The following LOC128092252 variants were observed in gnomAD, a reference collection of about 807,000 sequenced individuals.
the LOC128092252 span, among the ~76,000 whole-genome samples, chr15:50,678,702 A>G: frequency 6.6e-6 from 1 of 152,064 alleles, no homozygotes; most frequent in African/African-American, 2.4e-5. Flanking sequence ...AGCATCTATA[A>G]TTCTGTAACA....
At chr15:50,651,288 G>A in the LOC128092252 span, among the ~76,000 whole-genome samples, 8 of 152,126 alleles carry the variant, frequency 5.3e-5, no homozygotes, top group East Asian at 1.9e-4. Flanking sequence ...AGAAAAGAAC[G>A]AGATGATGGA....
the LOC128092252 span, among the ~76,000 whole-genome samples, chr15:50,674,734 CT>C: frequency 2.0e-5 from 3 of 152,112 alleles, no homozygotes; most frequent in Non-Finnish European, 4.4e-5. Flanking sequence ...AGTCTCTGAG[CT>C]TTTGTCTGGG....
the LOC128092252 span, among the ~76,000 whole-genome samples, chr15:50,676,868 A>G: frequency 6.6e-6 from 1 of 152,174 alleles, no homozygotes; most frequent in Non-Finnish European, 1.5e-5. Flanking sequence ...TAAATACTTA[A>G]TATTAATTCT....
the LOC128092252 span, among the ~76,000 whole-genome samples, chr15:50,678,245 AAAAAAACAAAAAC>A: frequency 1.1e-4 from 16 of 147,308 alleles, no homozygotes; most frequent in African/African-American, 3.3e-4. Context: ...CTCTCAAAAA[AAAAAAACAAAAAC>A]AAAAACAAAA....
At chr15:50,682,140 C>T in the LOC128092252 span, among the ~76,000 whole-genome samples, 5 of 111,980 alleles carry the variant, frequency 4.5e-5, no homozygotes, top group Admixed American at 2.5e-4. Context: ...ATCGCGCCAC[C>T]GCAAGCCTGG....
the LOC128092252 span, among the ~76,000 whole-genome samples, chr15:50,671,880 G>C: frequency 6.6e-6 from 1 of 152,106 alleles, no homozygotes; most frequent in Non-Finnish European, 1.5e-5. Context: ...TTGGGTATTT[G>C]TTTTGATATT....
At chr15:50,653,654 G>C in the LOC128092252 span, among the ~76,000 whole-genome samples, 5 of 152,254 alleles carry the variant, frequency 3.3e-5, no homozygotes, top group Non-Finnish European at 7.4e-5. Context: ...GAAAACAGTA[G>C]ACACTGGGCC....
the LOC128092252 span, among the ~76,000 whole-genome samples, chr15:50,659,552 T>G: frequency 6.6e-6 from 1 of 152,182 alleles, no homozygotes; most frequent in African/African-American, 2.4e-5. Flanking sequence ...TGGTTAAAGG[T>G]GGGGATACTT....
the LOC128092252 span, among the ~76,000 whole-genome samples, chr15:50,658,458 T>C: frequency 1.1e-3 from 173 of 151,452 alleles, 2 homozygotes; most frequent in Admixed American, 2.0e-3. Flanking sequence ...TAGTCCTAGC[T>C]ACTAGGGAGG....
At chr15:50,661,732 G>A in the LOC128092252 span, among the ~76,000 whole-genome samples, 1 of 152,300 alleles carries the variant, frequency 6.6e-6, no homozygotes, top group Non-Finnish European at 1.5e-5. Flanking sequence ...GAAAGTTGCA[G>A]AGAAGGTAAA....
the LOC128092252 span, among the ~76,000 whole-genome samples, chr15:50,685,764 G>C: frequency 3.3e-5 from 5 of 152,118 alleles, no homozygotes; most frequent in African/African-American, 1.2e-4. Flanking sequence ...TCTATCGGAA[G>C]CTGCAATGCA....
the LOC128092252 span, among the ~76,000 whole-genome samples, chr15:50,654,125 A>G: frequency 6.6e-6 from 1 of 152,202 alleles, no homozygotes; most frequent in Non-Finnish European, 1.5e-5. Flanking sequence ...CCTTACAGGA[A>G]AATTATTTAC....
the LOC128092252 span, among the ~76,000 whole-genome samples, chr15:50,670,605 G>A: frequency 6.6e-6 from 1 of 151,992 alleles, no homozygotes; most frequent in African/African-American, 2.4e-5. Flanking sequence ...AAAAAGAGGA[G>A]GAACCCTCAG....
the LOC128092252 span, among the ~76,000 whole-genome samples, chr15:50,649,765 TATA>T: frequency 6.6e-6 from 1 of 152,136 alleles, no homozygotes; most frequent in Non-Finnish European, 1.5e-5. Context: ...ATTGATTTGA[TATA>T]ATCTTAAAAA....
At chr15:50,663,045 G>T in the LOC128092252 span, 2 of 1,610,582 alleles carry the variant, frequency 1.2e-6, no homozygotes, top group Non-Finnish European at 1.7e-6. Flanking sequence ...GGATTTCTGG[G>T]ACTAAAACAA....
chr15:50,684,411 C>A, the LOC128092252 span, among the ~76,000 whole-genome samples: 4 of 152,084 alleles, frequency 2.6e-5, no homozygotes, highest in African/African-American at 9.7e-5. Flanking sequence ...GGAGGTGAGA[C>A]AGCCAGATCA....
At chr15:50,666,026 T>G in the LOC128092252 span, among the ~76,000 whole-genome samples, 1 of 151,668 alleles carries the variant, frequency 6.6e-6, no homozygotes, top group Non-Finnish European at 1.5e-5. Flanking sequence ...GGCTGAAAAT[T>G]AATGAGCTAA....
At chr15:50,674,799 T>G in the LOC128092252 span, among the ~76,000 whole-genome samples, 1 of 152,182 alleles carries the variant, frequency 6.6e-6, no homozygotes, top group Non-Finnish European at 1.5e-5. Flanking sequence ...GGTACAGTAT[T>G]CTTGGATAAT....
At chr15:50,651,364 C>T in the LOC128092252 span, among the ~76,000 whole-genome samples, 1 of 152,166 alleles carries the variant, frequency 6.6e-6, no homozygotes. Context: ...CCATGCTTGA[C>T]GCCGGGTGTG....
Sources: allele counts gnomAD v4.1 joint callset (sites outside exome capture counted in the v4.1 genomes callset), GRCh38; gene constraint gnomAD v4.1.1; transcripts MANE v1.5.